The following PLA2G4B variants were observed in gnomAD, a reference collection of about 807,000 sequenced individuals.
PLA2G4B encodes the protein cytosolic phospholipase A2 beta.
In PLA2G4B, 122 loss-of-function variants were observed where a neutral mutation model predicts 95.8. That is an observed-to-expected ratio of 1.27 (90% CI 1.10 to 1.48). PLA2G4B has a LOEUF of 1.48. PLA2G4B is among the 40% of genes most tolerant of loss of function. The probability of loss-of-function intolerance (pLI) is 0.00; values close to 1 mark genes in which losing one functional copy is unlikely to be tolerated. For missense variants in PLA2G4B, 1,158 were observed against 996.2 expected (o/e 1.16, Z -2.19); for synonymous variants, 518 against 421.5 (o/e 1.23, Z -2.80).
At chr15:41,845,911 G>A (rs931091737) in intron 15 of PLA2G4B, 32 bp from the exon 16 acceptor site, 1 of 1,515,088 alleles carries the variant, frequency 6.6e-7, no homozygotes, top group Non-Finnish European at 8.8e-7. Context: ...ACAAGAGTCG[G>A]GGGCCCTCTT....
At chr15:41,840,933 A>G in intron 4 of PLA2G4B, 28 bp downstream of exon 4, 2 of 1,605,750 alleles carry the variant, frequency 1.2e-6, no homozygotes, top group South Asian at 1.1e-5. Flanking sequence ...CGGCAGCCCT[A>G]GCTGGTGTCT....
rs926986032 is a variant in PLA2G4B at position 41,845,077 on chromosome 15, G to A, written c.1239+7G>A. 1 of 1,596,664 alleles carries A rather than the reference G, an allele frequency of 6.3e-7. No homozygotes were observed. Among genetic ancestry groups the A allele is most frequent in the Non-Finnish European group, 8.5e-7 (1 of 1,170,102 alleles). Reference sequence around the variant, plus strand: ...GGCGCTGCTGCATGATGAGGTGCGGGGGCTGCGGCCTGGGGGCAGAGCCAG... The same window carrying A: ...GGCGCTGCTGCATGATGAGGTGCGGAGGCTGCGGCCTGGGGGCAGAGCCAG... On this transcript the variant is annotated splice_region_variant and intron_variant, in intron 13 of 19. Transcript: ENST00000458483.
Position 41,847,885 on chromosome 15 carries a change from ACT to A in PLA2G4B, c.*29_*30del. 11 of 1,603,844 alleles carry A rather than the reference ACT, an allele frequency of 6.9e-6. No homozygotes were observed. The highest frequency in any genetic ancestry group is 8.5e-6 in the Non-Finnish European group (10 of 1,175,990). Reference sequence around the variant, plus strand: ...ATGGCCGGGGCCCCTGCCACCCCTAACTCTCATTCATTCCCTGGCTGCTGAGT... The same window carrying A: ...ATGGCCGGGGCCCCTGCCACCCCTAACTCATTCATTCCCTGGCTGCTGAGT... On this transcript the variant is annotated 3_prime_UTR_variant, in exon 20 of 20. Transcript: ENST00000458483.
At position 41,841,226 on chromosome 15, in the gene PLA2G4B, T is replaced by G. The variant is rs756036599; in HGVS notation, c.393-5T>G. 11 of 1,613,830 alleles carry G rather than the reference T, an allele frequency of 6.8e-6. No individual in the cohort carries two copies. The highest frequency in any genetic ancestry group is 9.3e-6 in the Non-Finnish European group (11 of 1,180,016). On this transcript the variant is annotated splice_region_variant and splice_polypyrimidine_tract_variant and intron_variant, in intron 5 of 19. Transcript: ENST00000458483. ...TGCTAAGGGGGCTCTGGGGGCTCTT[T>G]CCAGGGCTGACCGTGGCGAGTGGCT...
chr15:41,841,845 G>A lies in PLA2G4B; in HGVS notation c.517G>A (p.Val173Ile), dbSNP rs772945158. Residue 173 changes from valine to isoleucine, a missense_variant, in exon 8 of 20, where the codon GTT (valine) becomes ATT (isoleucine). Coordinates refer to ENST00000458483, the MANE Select transcript of PLA2G4B (RefSeq NM_001114633.2). ...CTCAGAGCACAGAGTTCAGCTTGTG[G>A]TTCCTGGGTCCTGTGAGGGTCCGCA... Reference protein sequence around the residue: ...KSSEHRVQLVVPGSCEGPQEA... With the variant: ...KSSEHRVQLVIPGSCEGPQEA... 1.9e-6 allele frequency: 3 copies of A among 1,613,464 alleles called. No homozygotes were observed. The African/African-American group carries it at 4.0e-5, about 22-fold the overall frequency.
intron 13 of PLA2G4B, 62 bp downstream of exon 13, chr15:41,845,132 G>A: frequency 6.2e-7 from 1 of 1,609,300 alleles, no homozygotes; most frequent in Non-Finnish European, 8.5e-7. Context: ...GCTCGGTGCT[G>A]GACAGCAGGG....
At position 41,846,021 on chromosome 15, in the gene PLA2G4B, G is replaced by T. The variant is rs538638084; in HGVS notation, c.1574G>T (p.Arg525Leu). Residue 525 changes from arginine (R) to leucine (L), a missense_variant, in exon 16 of 20, where the codon CGC becomes CTC. Transcript: ENST00000458483. ...WASEPSQFWD[R>L]WVRNQANLDK... is the part of the protein sequence containing the mutation. ...TCAGAGCCCAGCCAGTTCTGGGACC[G>T]CTGGGTCAGGAACCAGGCCAACCTG... 1.3e-6 allele frequency: 2 copies of T among 1,540,852 alleles called. No individual in the cohort carries two copies. The highest frequency in any genetic ancestry group is 1.2e-5 in the South Asian group (1 of 80,008).
At position 41,847,975 on chromosome 15, in the gene PLA2G4B, G is replaced by A; in HGVS notation, c.*115G>A. 4 of 1,381,448 alleles carry A rather than the reference G, an allele frequency of 2.9e-6. No homozygotes were observed. Among genetic ancestry groups the A allele is most frequent in the Non-Finnish European group, 3.9e-6 (4 of 1,031,284 alleles). 85.6% of individuals were successfully genotyped at this position (1,381,448 alleles called of 1,614,324 possible). A position where few individuals can be genotyped will look rare whatever the true frequency, so the allele number is the denominator to read the frequency against. ...CTCGGGCTCAGGTGGCACGGTCCCAGGGTCCAGGCTGAGGGCTGGGAGCTC... is the reference window on the plus strand; with the variant it reads ...CTCGGGCTCAGGTGGCACGGTCCCAAGGTCCAGGCTGAGGGCTGGGAGCTC... On this transcript the variant is annotated 3_prime_UTR_variant, in exon 20 of 20. Coordinates refer to ENST00000458483, the MANE Select transcript of PLA2G4B (RefSeq NM_001114633.2).
At chr15:41,841,125 G>A (rs1340993621) in intron 5 of PLA2G4B, 30 bp downstream of exon 5, 3 of 1,608,098 alleles carry the variant, frequency 1.9e-6, no homozygotes, top group African/African-American at 2.7e-5. Flanking sequence ...CAGTTTGGGT[G>A]GGAGTGCCTT....
rs2065529606 is a variant in PLA2G4B, at chr15:41,845,726, G to A, written c.1446G>A (p.Met482Ile). 7 of 1,612,368 alleles carry A rather than the reference G, an allele frequency of 4.3e-6. No individual in the cohort carries two copies. The highest frequency in any genetic ancestry group is 1.3e-5 in the African/African-American group (1 of 74,894). ...AGCTCTTTGGCTCCGAGTTCTTTATGGGGCAGCTGATGAAGAGGCTTCCTG... is the reference window on the plus strand; with the variant it reads ...AGCTCTTTGGCTCCGAGTTCTTTATAGGGCAGCTGATGAAGAGGCTTCCTG... The part of the protein sequence containing the change: ...PSELFGSEFF[M>I]GQLMKRLPES... Residue 482 changes from methionine to isoleucine, a missense_variant, in exon 15 of 20, where the codon ATG (methionine) becomes ATA (isoleucine). Met to Ile is a conservative substitution (Grantham distance 10, BLOSUM62 1). Coordinates refer to ENST00000458483, the MANE Select transcript of PLA2G4B (RefSeq NM_001114633.2).
intron 2 of PLA2G4B, 75 bp from the exon 3 acceptor site, chr15:41,840,449 G>C: frequency 1.9e-6 from 3 of 1,608,662 alleles, no homozygotes; most frequent in Non-Finnish European, 1.7e-6. Flanking sequence ...TGGGGCTCTA[G>C]GTGATGGAAG....
At position 41,840,017 on chromosome 15, in the gene PLA2G4B, T is replaced by C. The variant is rs139687833; in HGVS notation, c.10-141T>C. The C allele has an allele frequency of 4.6e-4, 428 of 929,586 alleles. 2 individuals carry two copies. The African/African-American group carries it at 6.1e-3, about 13-fold the overall frequency. 57.6% of individuals were successfully genotyped at this position (929,586 alleles called of 1,614,324 possible). On this transcript the variant is annotated intron_variant, in intron 1 of 19. Transcript: ENST00000458483. Reference sequence around the variant, plus strand: ...ATGGAGATATCATGTCTCCTCTTGTTGATTCAGGATTCTGATGAGATGGAG... The same window carrying C: ...ATGGAGATATCATGTCTCCTCTTGTCGATTCAGGATTCTGATGAGATGGAG...
rs1418318777 is a variant in PLA2G4B at position 41,843,574 on chromosome 15, A to G, written c.744-102A>G. Reference sequence around the variant, plus strand: ...ACGGGAGTGGCATTGAGGGTTGGGGAGAAGAGGGAGGGCAGTAGGTATTAC... The same window carrying G: ...ACGGGAGTGGCATTGAGGGTTGGGGGGAAGAGGGAGGGCAGTAGGTATTAC... On this transcript the variant is annotated intron_variant, in intron 10 of 19. Transcript: ENST00000458483. 8 of 1,521,676 alleles carry G rather than the reference A, an allele frequency of 5.3e-6. No homozygotes were observed. In the African/African-American group the frequency reaches 9.7e-5, roughly 18 times the overall value. 94.3% of individuals were successfully genotyped at this position (1,521,676 alleles called of 1,614,324 possible). A position where few individuals can be genotyped will look rare whatever the true frequency, so the allele number is the denominator to read the frequency against.
chr15:41,846,992 C>T (rs569014267), intron 18 of PLA2G4B, among the ~76,000 whole-genome samples, 157 bp downstream of exon 18: 23 of 152,262 alleles, frequency 1.5e-4, no homozygotes, highest in African/African-American at 5.1e-4. Context: ...CATTCTTTTC[C>T]GGAAGTTGGG....
At chr15:41,846,414 C>G in intron 17 of PLA2G4B, 32 bp downstream of exon 17, 3 of 1,583,952 alleles carry the variant, frequency 1.9e-6, no homozygotes, top group Non-Finnish European at 2.6e-6. Context: ...CCTCCTGTGG[C>G]CACCTGAGCC....
intron 4 of PLA2G4B, 56 bp downstream of exon 4, chr15:41,840,961 C>T (rs933120419): frequency 5.7e-5 from 91 of 1,594,650 alleles, no homozygotes; most frequent in Admixed American, 8.4e-5. Flanking sequence ...AATCTCCACG[C>T]GCACACATGC....
rs759200778 is a variant in PLA2G4B, at chr15:41,845,724, A to T, written c.1444A>T (p.Met482Leu). The change falls in exon 15 of 20, where the codon ATG becomes TTG. Residue 482 changes from methionine (M) to leucine (L), a missense_variant. Met to Leu is a conservative substitution (Grantham distance 15, BLOSUM62 2). Transcript: ENST00000458483. Reference protein sequence around the residue: ...PSELFGSEFFMGQLMKRLPES... With the variant: ...PSELFGSEFFLGQLMKRLPES... The stretch of plus-strand genomic sequence containing the variant: ...TGAGCTCTTTGGCTCCGAGTTCTTT[A>T]TGGGGCAGCTGATGAAGAGGCTTCC... 2 of 1,612,292 alleles carry T rather than the reference A, an allele frequency of 1.2e-6. No individual in the cohort carries two copies. Among genetic ancestry groups the T allele is most frequent in the Non-Finnish European group, 1.7e-6 (2 of 1,179,378 alleles).
intron 16 of PLA2G4B, 60 bp downstream of exon 16, chr15:41,846,107 G>A (rs545428509): frequency 1.3e-6 from 2 of 1,573,098 alleles, no homozygotes; most frequent in Admixed American, 1.8e-5. Flanking sequence ...GCTGCACCAG[G>A]GGGCGGGGGG....
intron 10 of PLA2G4B, among the ~76,000 whole-genome samples, chr15:41,843,380 G>T (rs188479169): frequency 1.2e-4 from 17 of 146,680 alleles, no homozygotes; most frequent in African/African-American, 3.6e-4. Flanking sequence ...GAGACTTGGA[G>T]GGGGGGGATC....
Sources: gnomAD v4.1 joint callset for allele counts (sites outside exome capture counted in the v4.1 genomes callset) on GRCh38, gnomAD v4.1.1 for gene constraint, MANE v1.5 for transcripts, NCBI Gene and HGNC (gene_info 2026-07-23, HGNC 2026-07-21) for gene names.